Variants in ZIC5 observed in about 807,000 individuals in gnomAD.
The protein encoded by ZIC5 is zinc finger protein ZIC 5.
A neutral mutation model predicts 28.5 loss-of-function variants in ZIC5; 20 were observed. The observed-to-expected ratio is 0.70, with a 90% CI of 0.49 to 1.02. The LOEUF is 1.02. Ranked by LOEUF, ZIC5 falls within the 50% of genes least tolerant of loss-of-function variation. The pLI, the probability that ZIC5 is intolerant of heterozygous loss-of-function variation, is 0.00. For synonymous variants in ZIC5, 488 were observed against 410.4 expected (o/e 1.19, Z -2.29); for missense variants, 951 against 899.7 (o/e 1.06, Z -0.73).
chr13:99,971,046 C>G lies in ZIC5; in HGVS notation c.558G>C (p.Ala186=). 1 of 1,423,678 alleles carries G rather than the reference C, an allele frequency of 7.0e-7. No individual in the cohort carries two copies. Among genetic ancestry groups the G allele is most frequent in the Middle Eastern group, 2.4e-4 (1 of 4,236 alleles). 88.2% of individuals were successfully genotyped at this position (1,423,678 alleles called of 1,614,324 possible). The stretch of plus-strand genomic sequence containing the variant: ...CTCCGAGCGGGGCCCCGTGCATGGC[C>G]GCCGCGGGGGCCGTGGCGGAAAGGT... ...RRDLSATAPA[A]AMHGAPLGGE... Residue 186 remains alanine (A), a synonymous_variant, in exon 1 of 2, where the codon GCG becomes GCC. Coordinates refer to ENST00000267294, the MANE Select transcript of ZIC5 (RefSeq NM_033132.5).
rs892053818 is a variant in ZIC5, at chr13:99,964,597, T to C, written c.*780A>G. 2.6e-5 allele frequency: 4 copies of C among 152,622 alleles called. No homozygotes were observed. The highest frequency in any genetic ancestry group is 9.7e-5 in the African/African-American group (4 of 41,444). The allele number at this position is 152,622 out of a possible 1,614,324, so 9.5% of individuals were successfully genotyped here. A position where few individuals can be genotyped will look rare whatever the true frequency, so the allele number is the denominator to read the frequency against. On this transcript the variant is annotated 3_prime_UTR_variant, in exon 2 of 2. Transcript: ENST00000267294. ...GCAGCAGCTTTTCTTCTCTCCACTT[T>C]TGCTTGAACAATCACAGTAGCACAA...
chr13:99,963,621 G>A lies in ZIC5; in HGVS notation c.*1756C>T, dbSNP rs985116443. 5.3e-5 allele frequency: 8 copies of A among 151,844 alleles called. No individual in the cohort carries two copies. The highest frequency in any genetic ancestry group is 1.9e-4 in the African/African-American group (8 of 41,230). The allele number at this position is 151,844 out of a possible 1,614,324, so 9.4% of individuals were successfully genotyped here. On this transcript the variant is annotated 3_prime_UTR_variant, in exon 2 of 2. Transcript: ENST00000267294. ...AGAGTCTTGGTTTTCACATTACGTTGTTCATTCAAGTAAGCTTAAAAATAT... is the reference window on the plus strand; with the variant it reads ...AGAGTCTTGGTTTTCACATTACGTTATTCATTCAAGTAAGCTTAAAAATAT...
In ZIC5 at chr13:99,964,204, C is replaced by T. The variant is rs2152151962; in HGVS notation, c.*1173G>A. The stretch of plus-strand genomic sequence containing the variant: ...CACACTGTCATTTTCAAATGGATTC[C>T]AGTTTGGTGTGCTCAGTGCTCAGGT... On this transcript the variant is annotated 3_prime_UTR_variant, in exon 2 of 2. Coordinates refer to ENST00000267294, the MANE Select transcript of ZIC5 (RefSeq NM_033132.5). The T allele has an allele frequency of 6.6e-6, 1 of 152,276 alleles. No individual in the cohort carries two copies. The highest frequency in any genetic ancestry group is 1.9e-4 in the East Asian group (1 of 5,190). The allele number at this position is 152,276 out of a possible 1,614,324, so 9.4% of individuals were successfully genotyped here.
In ZIC5 at chr13:99,970,206, G is replaced by A; in HGVS notation, c.1398C>T (p.Pro466=). 2 of 1,613,600 alleles carry A rather than the reference G, an allele frequency of 1.2e-6. No homozygotes were observed. Among genetic ancestry groups the A allele is most frequent in the Non-Finnish European group, 1.7e-6 (2 of 1,179,770 alleles). The change falls in exon 1 of 2, where the codon CCC becomes CCT. Residue 466 remains proline, a synonymous_variant. Transcript: ENST00000267294. ...CGCAGCCGGGGAAAGGGCAGGGAAA[G>A]GGCTTCTCGCCGGTGTGCACGCGGA... The part of the protein sequence containing the change: ...NHIRVHTGEK[P]FPCPFPGCGK...
chr13:99,970,413 T>C lies in ZIC5; in HGVS notation c.1191A>G (p.Pro397=), dbSNP rs1357567471. The change falls in exon 1 of 2, where the codon CCA becomes CCG. Residue 397 remains proline, a synonymous_variant. Transcript: ENST00000267294. The part of the protein sequence containing the change: ...PPPPPPPPPP[P]PPPAGGAKPC... ...GCTTGGCGCCGCCGGCCGGGGGCGG[T>C]GGCGGCGGCGGCGGCGGCGGCGGCG... 1.7e-4 allele frequency: 187 copies of C among 1,106,556 alleles called. No individual in the cohort carries two copies. Among genetic ancestry groups the C allele is most frequent in the South Asian group, 3.5e-4 (12 of 34,606 alleles). 68.5% of individuals were successfully genotyped at this position (1,106,556 alleles called of 1,614,324 possible). A position where few individuals can be genotyped will look rare whatever the true frequency, so the allele number is the denominator to read the frequency against.
At position 99,970,425 on chromosome 13, in the gene ZIC5, C is replaced by T. The variant is rs751932769; in HGVS notation, c.1179G>A (p.Pro393=). The change falls in exon 1 of 2, where the codon CCG becomes CCA. Residue 393 remains proline (P), a synonymous_variant. Coordinates refer to ENST00000267294, the MANE Select transcript of ZIC5 (RefSeq NM_033132.5). Reference sequence around the variant, plus strand: ...CGGCCGGGGGCGGTGGCGGCGGCGGCGGCGGCGGCGGCGGCGGCGGCGGCA... The same window carrying T: ...CGGCCGGGGGCGGTGGCGGCGGCGGTGGCGGCGGCGGCGGCGGCGGCGGCA... ...AGLPPPPPPP[P]PPPPPPPAGG... 54 of 962,066 alleles carry T rather than the reference C, an allele frequency of 5.6e-5. No homozygotes were observed. The highest frequency in any genetic ancestry group is 1.0e-4 in the East Asian group (1 of 9,704). 59.6% of individuals were successfully genotyped at this position (962,066 alleles called of 1,614,324 possible). A position where few individuals can be genotyped will look rare whatever the true frequency, so the allele number is the denominator to read the frequency against.
At position 99,964,002 on chromosome 13, in the gene ZIC5, C is replaced by T. The variant is rs1031856240; in HGVS notation, c.*1375G>A. On this transcript the variant is annotated 3_prime_UTR_variant, in exon 2 of 2. Transcript: ENST00000267294. ...TGCACAGGAGATGTGTTGTACCAACCGAAAATAAATCGACTAAGAGTTATT... is the reference window on the plus strand; with the variant it reads ...TGCACAGGAGATGTGTTGTACCAACTGAAAATAAATCGACTAAGAGTTATT... 5 of 152,596 alleles carry T rather than the reference C, an allele frequency of 3.3e-5. No homozygotes were observed. The highest frequency in any genetic ancestry group is 2.1e-4 in the South Asian group (1 of 4,822). The allele number at this position is 152,596 out of a possible 1,614,324, so 9.5% of individuals were successfully genotyped here. A position where few individuals can be genotyped will look rare whatever the true frequency, so the allele number is the denominator to read the frequency against.
Position 99,970,659 on chromosome 13 carries a change from C to T in ZIC5, c.945G>A (p.Ala315=). The T allele has an allele frequency of 3.4e-6, 4 of 1,161,970 alleles. No individual in the cohort carries two copies. Among genetic ancestry groups the T allele is most frequent in the Non-Finnish European group, 4.3e-6 (4 of 935,906 alleles). The allele number at this position is 1,161,970 out of a possible 1,614,324, so 72.0% of individuals were successfully genotyped here. A position where few individuals can be genotyped will look rare whatever the true frequency, so the allele number is the denominator to read the frequency against. The part of the protein sequence containing the change: ...AVNLNLNLAA[A]AAAAAAGPGP... The stretch of plus-strand genomic sequence containing the variant: ...CGGGCCCGGCCGCTGCTGCGGCCGC[C>T]GCAGCCGCCAGGTTCAGGTTTAAGT... The change falls in exon 1 of 2, where the codon GCG becomes GCA. Residue 315 remains alanine (A), a synonymous_variant. Coordinates refer to ENST00000267294, the MANE Select transcript of ZIC5 (RefSeq NM_033132.5).
rs983181255 is a variant in ZIC5 at position 99,971,714 on chromosome 13, C to G, written c.-111G>C. On this transcript the variant is annotated 5_prime_UTR_variant, in exon 1 of 2. Coordinates refer to ENST00000267294, the MANE Select transcript of ZIC5 (RefSeq NM_033132.5). ...GCTCTTTAACTTCTTTTGTCCTGGC[C>G]TCTTAACTCTGCTTATTCCTGTTCC... 33 of 1,549,562 alleles carry G rather than the reference C, an allele frequency of 2.1e-5. No homozygotes were observed. The African/African-American group carries it at 4.5e-4, about 21-fold the overall frequency.
chr13:99,964,097 T>C lies in ZIC5; in HGVS notation c.*1280A>G, dbSNP rs2053078073. On this transcript the variant is annotated 3_prime_UTR_variant, in exon 2 of 2. Transcript: ENST00000267294. ...CAAAGGTCACACATTCATCAGTGTT[T>C]GGTGGTAACTATAAACCTTTTAAAA... The C allele has an allele frequency of 6.6e-6, 1 of 152,608 alleles. No homozygotes were observed. 9.5% of individuals were successfully genotyped at this position (152,608 alleles called of 1,614,324 possible).
chr13:99,970,923 C>A lies in ZIC5; in HGVS notation c.681G>T (p.Pro227=). ...AGAGCGCCGGGCCGCCGCTGCCGTC[C>A]GGGCCCGCGTAGGTGCCGCTGGCGG... The part of the protein sequence containing the change: ...FISASGTYAG[P]DGSGGPALFP... The change falls in exon 1 of 2, where the codon CCG becomes CCT. Residue 227 remains proline, a synonymous_variant. Transcript: ENST00000267294. The A allele has an allele frequency of 4.3e-6, 6 of 1,379,658 alleles. No homozygotes were observed. The highest frequency in any genetic ancestry group is 5.6e-6 in the Non-Finnish European group (6 of 1,077,434). The allele number at this position is 1,379,658 out of a possible 1,614,324, so 85.5% of individuals were successfully genotyped here.
chr13:99,966,476 T>C (rs2053100956), intron 1 of ZIC5, among the ~76,000 whole-genome samples: 1 of 152,158 alleles, frequency 6.6e-6, no homozygotes, highest in South Asian at 2.1e-4. Flanking sequence ...CTCCCACCAC[T>C]CGATTTTTAC....
rs2053094034 is a variant in ZIC5 at position 99,965,541 on chromosome 13, A to T, written c.1756T>A (p.Ser586Thr). Residue 586 changes from serine (S) to threonine (T), a missense_variant, in exon 2 of 2, where the codon TCC becomes ACC. Transcript: ENST00000267294. The part of the protein sequence containing the change: ...SPVLDPARSH[S>T]STLSPQVTNL... ...GTCACCTGAGGGGACAGAGTGCTGG[A>T]GTGACTCCTGGCTGGGTCCAGCACA... is the stretch of plus-strand genomic sequence containing the variant. 1 of 1,613,364 alleles carries T rather than the reference A, an allele frequency of 6.2e-7. No individual in the cohort carries two copies. The highest frequency in any genetic ancestry group is 1.7e-5 in the Admixed American group (1 of 59,958).
chr13:99,965,595 C>T lies in ZIC5; in HGVS notation c.1702G>A (p.Gly568Arg), dbSNP rs140607831. 3.0e-5 allele frequency: 49 copies of T among 1,613,962 alleles called. No individual in the cohort carries two copies. Among genetic ancestry groups the T allele is most frequent in the Non-Finnish European group, 3.6e-5 (43 of 1,179,996 alleles). The part of the protein sequence containing the change: ...SPGPLGYSSV[G>R]TPVGAPLSPV... ...GACAAGGGGGCGCCCACTGGAGTCC[C>T]CACTGATGAGTAACCAAGGGGTCCT... Residue 568 changes from glycine (G) to arginine (R), a missense_variant, in exon 2 of 2, where the codon GGG becomes AGG. Gly to Arg is a moderately radical substitution (Grantham distance 125, BLOSUM62 -2). Coordinates refer to ENST00000267294, the MANE Select transcript of ZIC5 (RefSeq NM_033132.5).
Position 99,970,796 on chromosome 13 carries a change from C to T in ZIC5, c.808G>A (p.Ala270Thr). 1 of 1,196,810 alleles carries T rather than the reference C, an allele frequency of 8.4e-7. No individual in the cohort carries two copies. The highest frequency in any genetic ancestry group is 1.0e-6 in the Non-Finnish European group (1 of 969,798). 74.1% of individuals were successfully genotyped at this position (1,196,810 alleles called of 1,614,324 possible). The change falls in exon 1 of 2, where the codon GCT (alanine) becomes ACT (threonine). Residue 270 changes from alanine to threonine, a missense_variant. By Grantham distance (58) the Ala-to-Thr change is moderately conservative (BLOSUM62 0). Coordinates refer to ENST00000267294, the MANE Select transcript of ZIC5 (RefSeq NM_033132.5). Reference sequence around the variant, plus strand: ...GGTTCGGCGCGGCCGTACAGCTCAGCCGCCGCGGCTGCCGCTGCCGCCGCC... The same window carrying T: ...GGTTCGGCGCGGCCGTACAGCTCAGTCGCCGCGGCTGCCGCTGCCGCCGCC... ...GLAAAAAAAA[A>T]ELYGRAEPPF...
Position 99,971,178 on chromosome 13 carries a change from A to AG in ZIC5, c.425dup (p.Pro143SerfsTer129), listed in dbSNP as rs1182909859. 2.4e-4 allele frequency: 31 copies of AG among 129,640 alleles called. No homozygotes were observed. The highest frequency in any genetic ancestry group is 3.1e-4 in the Non-Finnish European group (30 of 96,502). The allele number at this position is 129,640 out of a possible 1,614,324, so 8.0% of individuals were successfully genotyped here. On this transcript the variant is annotated frameshift_variant, in exon 1 of 2. Transcript: ENST00000267294. LOFTEE classifies it high-confidence loss of function. ...GGGCAGGAGGAGGAGGAGGCGGGGG[A>AG]GGGGGAGGGGGTGAAGGGGTGGGAG... is the stretch of plus-strand genomic sequence containing the variant.
Position 99,965,624 on chromosome 13 carries a change from G to A in ZIC5, c.1673C>T (p.Ser558Phe), listed in dbSNP as rs746388276. ...MKIHCKSPPPSPGPLGYSSVG... is the reference protein window; with the variant it reads ...MKIHCKSPPPFPGPLGYSSVG... Reference sequence around the variant, plus strand: ...TGATGAGTAACCAAGGGGTCCTGGAGAAGGTGGCGGGGACTTGCAGTGAAT... The same window carrying A: ...TGATGAGTAACCAAGGGGTCCTGGAAAAGGTGGCGGGGACTTGCAGTGAAT... The change falls in exon 2 of 2, where the codon TCT (serine) becomes TTT (phenylalanine). Residue 558 changes from serine (S) to phenylalanine (F), a missense_variant. This residue lies in a region of ZIC5 where 108 missense variants were observed against 118.4 expected (regional missense o/e 0.91). Coordinates refer to ENST00000267294, the MANE Select transcript of ZIC5 (RefSeq NM_033132.5). The A allele has an allele frequency of 6.2e-7, 1 of 1,614,202 alleles. No homozygotes were observed. The highest frequency in any genetic ancestry group is 1.7e-5 in the Admixed American group (1 of 60,032).
Position 99,970,755 on chromosome 13 carries a change from G to A in ZIC5, c.849C>T (p.Arg283=). The A allele has an allele frequency of 1.7e-6, 2 of 1,183,858 alleles. No individual in the cohort carries two copies. The highest frequency in any genetic ancestry group is 2.1e-6 in the Non-Finnish European group (2 of 958,082). The allele number at this position is 1,183,858 out of a possible 1,614,324, so 73.3% of individuals were successfully genotyped here. A position where few individuals can be genotyped will look rare whatever the true frequency, so the allele number is the denominator to read the frequency against. ...CCGCCCCGTAGTGCGCGTCCCCAGA[G>A]CGCGGCGCGAAGGGCGGTTCGGCGC... is the stretch of plus-strand genomic sequence containing the variant. ...YGRAEPPFAP[R]SGDAHYGAVA... The change falls in exon 1 of 2, where the codon CGC becomes CGT. Residue 283 remains arginine (R), a synonymous_variant. Transcript: ENST00000267294.
rs2053075498 is a variant in ZIC5, at chr13:99,963,818, T to C, written c.*1559A>G. 1 of 151,178 alleles carries C rather than the reference T, an allele frequency of 6.6e-6. No individual in the cohort carries two copies. Among genetic ancestry groups the C allele is most frequent in the South Asian group, 2.1e-4 (1 of 4,814 alleles). 9.4% of individuals were successfully genotyped at this position (151,178 alleles called of 1,614,324 possible). A position where few individuals can be genotyped will look rare whatever the true frequency, so the allele number is the denominator to read the frequency against. Reference sequence around the variant, plus strand: ...TAATTCAACTGTACAAATAATAGTGTTCACATACAAGTTATTAACAATGAC... The same window carrying C: ...TAATTCAACTGTACAAATAATAGTGCTCACATACAAGTTATTAACAATGAC... On this transcript the variant is annotated 3_prime_UTR_variant, in exon 2 of 2. Coordinates refer to ENST00000267294, the MANE Select transcript of ZIC5 (RefSeq NM_033132.5).
Sources: gnomAD v4.1 joint callset for allele counts (sites outside exome capture counted in the v4.1 genomes callset) on GRCh38, gnomAD v4.1.1 for gene constraint, gnomAD v4.1.1 regional missense constraint, MANE v1.5 for transcripts, NCBI Gene and HGNC (gene_info 2026-07-23, HGNC 2026-07-21) for gene names.